The following MYO1D variants were observed in gnomAD, a reference collection of about 807,000 sequenced individuals.
The protein encoded by MYO1D is unconventional myosin-Id.
MYO1D carries 83 observed loss-of-function variants against 122.0 expected under a neutral mutation model. The observed-to-expected ratio is 0.68, with a 90% CI of 0.57 to 0.82. The LOEUF (loss-of-function observed/expected upper bound fraction) is 0.82, where lower values mean the gene tolerates loss of function less well. Among genes scored for constraint, MYO1D ranks in the 40% least tolerant of loss-of-function variants. The probability of loss-of-function intolerance (pLI) is 0.00; values close to 1 mark genes in which losing one functional copy is unlikely to be tolerated. For missense variants in MYO1D, 1,157 were observed against 1,269.5 expected (o/e 0.91, Z 1.35); for synonymous variants, 464 against 446.9 (o/e 1.04, Z -0.48).
At chr17:32,571,491 T>C (rs2087227394) in intron 21 of MYO1D, among the ~76,000 whole-genome samples, 1 of 152,162 alleles carries the variant, frequency 6.6e-6, no homozygotes, top group South Asian at 2.1e-4. Context: ...AACTGTAAAT[T>C]CTGGTGGGGT....
chr17:32,521,222 C>T (rs999429614), intron 21 of MYO1D, among the ~76,000 whole-genome samples: 3 of 152,204 alleles, frequency 2.0e-5, no homozygotes, highest in Non-Finnish European at 2.9e-5. Context: ...TGCCTCCCTC[C>T]GCTGCCTACT....
intron 21 of MYO1D, among the ~76,000 whole-genome samples, chr17:32,543,981 C>T (rs1000646437): frequency 3.3e-5 from 5 of 151,840 alleles, no homozygotes; most frequent in Middle Eastern, 3.2e-3. Context: ...TTAGTAGAGA[C>T]GGGGTTTCAC....
chr17:32,767,587 T>A (rs918152902), intron 7 of MYO1D, 49 bp downstream of exon 7: 11 of 1,229,484 alleles, frequency 8.9e-6, no homozygotes, highest in African/African-American at 4.5e-5. Context: ...TGAGAAAGCA[T>A]CCTGTTCTCA....
At chr17:32,742,962 G>A (rs2089789595) in intron 13 of MYO1D, among the ~76,000 whole-genome samples, 1 of 152,200 alleles carries the variant, frequency 6.6e-6, no homozygotes, top group South Asian at 2.1e-4. Context: ...CTTGGCATTA[G>A]CAAATCCAAT....
intron 16 of MYO1D, among the ~76,000 whole-genome samples, chr17:32,674,912 G>C (rs2088783723): frequency 6.6e-6 from 1 of 152,148 alleles, no homozygotes; most frequent in Non-Finnish European, 1.5e-5. Context: ...GAATAATCTG[G>C]AAAAGGCTCC....
chr17:32,852,971 C>T (rs2091001713), intron 1 of MYO1D, among the ~76,000 whole-genome samples: 1 of 152,328 alleles, frequency 6.6e-6, no homozygotes. Flanking sequence ...CTCTAATCTG[C>T]TTCAAAACTG....
chr17:32,797,894 T>C (rs2151041088), intron 1 of MYO1D, among the ~76,000 whole-genome samples: 1 of 152,392 alleles, frequency 6.6e-6, no homozygotes, highest in African/African-American at 2.4e-5. Context: ...TTATTTTAGA[T>C]CTTTTCCATG....
At chr17:32,797,353 T>C (rs955257352) in intron 1 of MYO1D, among the ~76,000 whole-genome samples, 1 of 152,232 alleles carries the variant, frequency 6.6e-6, no homozygotes, top group East Asian at 1.9e-4. Flanking sequence ...AGAAAGGTTT[T>C]CCAAGGTGTT....
chr17:32,800,107 C>T (rs1329413354), intron 1 of MYO1D, among the ~76,000 whole-genome samples: 1 of 152,108 alleles, frequency 6.6e-6, no homozygotes, highest in Non-Finnish European at 1.5e-5. Context: ...AATTATACAG[C>T]CATTTTGGAA....
At chr17:32,728,750 T>A (rs11080187) in intron 14 of MYO1D, among the ~76,000 whole-genome samples, 2 of 152,156 alleles carry the variant, frequency 1.3e-5, no homozygotes, top group African/African-American at 4.8e-5. Context: ...GAATAATGTA[T>A]AAAATCATGT....
intron 1 of MYO1D, among the ~76,000 whole-genome samples, chr17:32,865,019 C>T (rs959616911): frequency 4.6e-5 from 7 of 152,098 alleles, no homozygotes; most frequent in East Asian, 1.9e-4. Context: ...CTTAATAAGA[C>T]GGAACACGGG....
intron 19 of MYO1D, among the ~76,000 whole-genome samples, chr17:32,644,084 T>G (rs1218109347): frequency 6.6e-6 from 1 of 152,188 alleles, no homozygotes; most frequent in Non-Finnish European, 1.5e-5. Context: ...CACACTGCTT[T>G]GAATGTGTCC....
At chr17:32,730,200 A>T (rs1260579546) in intron 14 of MYO1D, among the ~76,000 whole-genome samples, 3 of 151,524 alleles carry the variant, frequency 2.0e-5, no homozygotes, top group Non-Finnish European at 2.9e-5. Context: ...ATTATGTTAG[A>T]AAATTTTCAC....
At chr17:32,717,545 G>T (rs1224817496) in intron 15 of MYO1D, among the ~76,000 whole-genome samples, 1 of 152,124 alleles carries the variant, frequency 6.6e-6, no homozygotes, top group Non-Finnish European at 1.5e-5. Context: ...TTTTCAGAGG[G>T]TCTATGAGTA....
intron 1 of MYO1D, among the ~76,000 whole-genome samples, chr17:32,826,477 A>C (rs1181580487): frequency 6.6e-6 from 1 of 152,250 alleles, no homozygotes; most frequent in African/African-American, 2.4e-5. Flanking sequence ...GTTGCAAATG[A>C]GTAAATCATG....
intron 21 of MYO1D, among the ~76,000 whole-genome samples, chr17:32,570,914 A>T (rs375198739): frequency 6.1e-4 from 93 of 152,334 alleles, no homozygotes; most frequent in Non-Finnish European, 1.2e-3. Context: ...CACCAAGCAC[A>T]CATGTCTGTT....
intron 16 of MYO1D, among the ~76,000 whole-genome samples, chr17:32,692,877 A>C (rs989704918): frequency 1.3e-5 from 2 of 152,236 alleles, no homozygotes; most frequent in African/African-American, 4.8e-5. Flanking sequence ...AATAAGGTTG[A>C]TAATTAAATA....
chr17:32,608,976 C>T (rs892480243), intron 20 of MYO1D, among the ~76,000 whole-genome samples: 3 of 152,128 alleles, frequency 2.0e-5, no homozygotes, highest in Admixed American at 1.3e-4. Flanking sequence ...GGATGGACAA[C>T]AGATCAGTAG....
chr17:32,804,124 T>C (rs148721010), intron 1 of MYO1D, among the ~76,000 whole-genome samples: 208 of 152,302 alleles, frequency 1.4e-3, no homozygotes, highest in African/African-American at 5.0e-3. Flanking sequence ...TGGCATAGTA[T>C]TCGCATATAA....
Sources: allele counts gnomAD v4.1 joint callset (sites outside exome capture counted in the v4.1 genomes callset), GRCh38; gene constraint gnomAD v4.1.1; transcripts MANE v1.5; gene names NCBI Gene and HGNC (gene_info 2026-07-23, HGNC 2026-07-21).